PFDN1: variants seen among roughly 807,000 people sequenced by gnomAD.
The protein encoded by PFDN1 is prefoldin 1.
Under a neutral mutation model 17.3 loss-of-function variants are expected in PFDN1, and 6 were observed. That is an observed-to-expected ratio of 0.35 (90% CI 0.19 to 0.69). PFDN1 has a LOEUF of 0.69. Ranked by LOEUF, PFDN1 falls within the 30% of genes least tolerant of loss-of-function variation. The probability of loss-of-function intolerance (pLI) is 0.65; values close to 1 mark genes in which losing one functional copy is unlikely to be tolerated. For synonymous variants in PFDN1, 58 were observed against 50.1 expected, an observed-to-expected ratio of 1.16 and a Z score of -0.67; for missense variants, 113 against 146.2, an observed-to-expected ratio of 0.77 and a Z score of 1.17.
intron 2 of PFDN1, among the ~76,000 whole-genome samples, chr5:140,288,685 T>C (rs1248048246): frequency 6.6e-6 from 1 of 152,016 alleles, no homozygotes; most frequent in African/African-American, 2.4e-5. Flanking sequence ...AAAACTACTA[T>C]AAAAAAATAA....
intron 3 of PFDN1, among the ~76,000 whole-genome samples, chr5:140,271,104 C>G (rs1361318294): frequency 6.6e-6 from 1 of 152,016 alleles, no homozygotes; most frequent in Non-Finnish European, 1.5e-5. Flanking sequence ...AAAAAATGCT[C>G]AAACAGAAAA....
At chr5:140,297,664 TCTA>T (rs573796584) in intron 2 of PFDN1, among the ~76,000 whole-genome samples, 3 of 152,220 alleles carry the variant, frequency 2.0e-5, no homozygotes, top group Non-Finnish European at 4.4e-5. Context: ...ATAATACCAT[TCTA>T]CTATTTATTA....
intron 3 of PFDN1, among the ~76,000 whole-genome samples, chr5:140,272,637 C>T (rs897933975): frequency 2.6e-5 from 4 of 152,118 alleles, no homozygotes; most frequent in Non-Finnish European, 1.5e-5. Context: ...GGATTACAGG[C>T]ATGAGCCACC....
At chr5:140,289,840 A>G (rs372584909) in intron 2 of PFDN1, among the ~76,000 whole-genome samples, 2 of 152,140 alleles carry the variant, frequency 1.3e-5, no homozygotes, top group East Asian at 3.9e-4. Context: ...GCAAGTCCCA[A>G]AACGGCAGAT....
At chr5:140,251,118 T>G (rs1764907133) in intron 3 of PFDN1, among the ~76,000 whole-genome samples, 1 of 152,086 alleles carries the variant, frequency 6.6e-6, no homozygotes, top group Non-Finnish European at 1.5e-5. Flanking sequence ...CTATCTTTAG[T>G]AGAGACGGGG....
At chr5:140,301,234 T>C (rs1019667537) in intron 1 of PFDN1, among the ~76,000 whole-genome samples, 1 of 152,190 alleles carries the variant, frequency 6.6e-6, no homozygotes, top group Non-Finnish European at 1.5e-5. Context: ...CTGTCTATAG[T>C]AATATTCATA....
At chr5:140,262,022 T>C (rs1054161408) in intron 3 of PFDN1, among the ~76,000 whole-genome samples, 1 of 152,194 alleles carries the variant, frequency 6.6e-6, no homozygotes, top group Admixed American at 6.5e-5. Context: ...GAATTTAATA[T>C]GCTAATAGCT....
intron 2 of PFDN1, among the ~76,000 whole-genome samples, chr5:140,297,661 C>CTACTATTATTA (rs1765674508): frequency 6.6e-6 from 1 of 152,060 alleles, no homozygotes; most frequent in Non-Finnish European, 1.5e-5. Context: ...GAAATAATAC[C>CTACTATTATTA]ATTCTACTAT....
At chr5:140,249,869 C>A (rs1307498078) in intron 3 of PFDN1, among the ~76,000 whole-genome samples, 1 of 152,172 alleles carries the variant, frequency 6.6e-6, no homozygotes, top group East Asian at 1.9e-4. Flanking sequence ...CCCCCATAAT[C>A]CAAACATCTC....
intron 3 of PFDN1, among the ~76,000 whole-genome samples, chr5:140,255,417 C>G (rs990455198): frequency 6.6e-6 from 1 of 152,038 alleles, no homozygotes; most frequent in Non-Finnish European, 1.5e-5. Flanking sequence ...GAACCCTGGC[C>G]GAGAATATCA....
At chr5:140,295,451 T>C (rs1291043965) in intron 2 of PFDN1, among the ~76,000 whole-genome samples, 1 of 152,148 alleles carries the variant, frequency 6.6e-6, no homozygotes, top group African/African-American at 2.4e-5. Flanking sequence ...AGACAAACAC[T>C]TCCAAATACT....
chr5:140,289,630 A>C (rs1266689103), intron 2 of PFDN1, among the ~76,000 whole-genome samples: 1 of 152,208 alleles, frequency 6.6e-6, no homozygotes, highest in East Asian at 1.9e-4. Context: ...GCCTCAACTT[A>C]GCTAATAACC....
At chr5:140,268,152 A>G (rs1289525729) in intron 3 of PFDN1, among the ~76,000 whole-genome samples, 1 of 152,218 alleles carries the variant, frequency 6.6e-6, no homozygotes, top group African/African-American at 2.4e-5. Context: ...AGAAACCTCA[A>G]ATTAGACATA....
intron 3 of PFDN1, among the ~76,000 whole-genome samples, chr5:140,250,487 C>T (rs1764897461): frequency 6.6e-6 from 1 of 152,190 alleles, no homozygotes; most frequent in African/African-American, 2.4e-5. Context: ...TCCCTATTCT[C>T]CTCACCTTGA....
At chr5:140,293,331 C>T (rs1581098521) in intron 2 of PFDN1, 1 of 150,194 alleles carries the variant, frequency 6.7e-6, no homozygotes. Context: ...AAAAAAAGGC[C>T]AGGTCTTTTG....
chr5:140,299,789 G>A (rs867329157), intron 2 of PFDN1, among the ~76,000 whole-genome samples: 26 of 151,772 alleles, frequency 1.7e-4, no homozygotes, highest in African/African-American at 4.4e-4. Flanking sequence ...TGAGGTGGGC[G>A]GATCAGGAGG....
intron 2 of PFDN1, among the ~76,000 whole-genome samples, chr5:140,293,425 G>T (rs1326220395): frequency 6.6e-6 from 1 of 151,790 alleles, no homozygotes; most frequent in Non-Finnish European, 1.5e-5. Context: ...CAGGTCCAAA[G>T]CCTAAAATAA....
intron 2 of PFDN1, among the ~76,000 whole-genome samples, chr5:140,297,131 A>G (rs1765666372): frequency 1.3e-5 from 2 of 152,252 alleles, no homozygotes; most frequent in Non-Finnish European, 2.9e-5. Context: ...CCTGAATTTC[A>G]GCAATGGGAA....
At chr5:140,264,608 G>A (rs1765110881) in intron 3 of PFDN1, among the ~76,000 whole-genome samples, 1 of 152,134 alleles carries the variant, frequency 6.6e-6, no homozygotes, top group Non-Finnish European at 1.5e-5. Context: ...GGAGGCTGAA[G>A]TGGGAGGACT....
Sources: allele counts gnomAD v4.1 joint callset (sites outside exome capture counted in the v4.1 genomes callset), GRCh38; gene constraint gnomAD v4.1.1; transcripts MANE v1.5; gene names NCBI Gene and HGNC (gene_info 2026-07-23, HGNC 2026-07-21).